CNTN5: variants seen among roughly 807,000 people sequenced by gnomAD.
The protein encoded by CNTN5 is contactin 5.
In CNTN5, 77 loss-of-function variants were observed where a neutral mutation model predicts 129.1. The ratio of observed to expected loss-of-function variants is 0.60; its 90% CI spans 0.50 to 0.72. The LOEUF is 0.72. Among genes scored for constraint, CNTN5 ranks in the 30% least tolerant of loss-of-function variants. The pLI is 0.00. For synonymous variants in CNTN5, 509 were observed against 465.6 expected (o/e 1.09, Z -1.20); for missense variants, 1,478 against 1,328.8 (o/e 1.11, Z -1.75).
At chr11:100,064,744 T>C (rs1943630009) in intron 10 of CNTN5, among the ~76,000 whole-genome samples, 2 of 152,206 alleles carry the variant, frequency 1.3e-5, no homozygotes, top group Admixed American at 1.3e-4. Context: ...ATAGTTCTAA[T>C]GCAAGTTGAA....
Position 100,308,696 on chromosome 11 carries a change from A to G in CNTN5, c.2730+228A>G, listed in dbSNP as rs1203497073. The G allele has an allele frequency of 3.6e-6, 4 of 1,122,626 alleles. No individual in the cohort carries two copies. In the Admixed American group the frequency reaches 1.9e-4, roughly 54 times the overall value. 69.5% of individuals were successfully genotyped at this position (1,122,626 alleles called of 1,614,324 possible). A position where few individuals can be genotyped will look rare whatever the true frequency, so the allele number is the denominator to read the frequency against. On this transcript the variant is annotated intron_variant, in intron 21 of 24. Transcript: ENST00000524871. ...GTAGCACTATGCAAAGATGTTTTTA[A>G]AAGATGAAATAGAGTTTTAGACAAA...
At chr11:99,532,270 T>G (rs534652377) in intron 2 of CNTN5, among the ~76,000 whole-genome samples, 2 of 152,286 alleles carry the variant, frequency 1.3e-5, no homozygotes, top group South Asian at 4.1e-4. Context: ...ACCCTTTGTT[T>G]TGGCCAATTT....
chr11:100,320,660 C>T (rs751329101), intron 21 of CNTN5, among the ~76,000 whole-genome samples: 2 of 152,166 alleles, frequency 1.3e-5, no homozygotes, highest in East Asian at 3.9e-4. Context: ...CTTTTCTCTA[C>T]ATTTTCTTCT....
chr11:100,072,255 C>G (rs2137876328), intron 12 of CNTN5, among the ~76,000 whole-genome samples: 1 of 152,248 alleles, frequency 6.6e-6, no homozygotes, highest in South Asian at 2.1e-4. Flanking sequence ...TGTGTGGCTC[C>G]TGCAAAGCAA....
rs1230876944 is a variant in CNTN5, at chr11:99,414,106, C to G, written c.-71+88622C>G. Among the ~76,000 whole-genome samples, 3 of 152,286 alleles carry G rather than the reference C, an allele frequency of 2.0e-5. No individual in the cohort carries two copies. The East Asian group carries it at 5.8e-4, about 29-fold the overall frequency. Reference sequence around the variant, plus strand: ...ATTAGTTGATATTTGAAGAAAATTCCTGCCTCTTCCTCCTAAACCACTGTG... The same window carrying G: ...ATTAGTTGATATTTGAAGAAAATTCGTGCCTCTTCCTCCTAAACCACTGTG... On this transcript the variant is annotated intron_variant, in intron 2 of 24. Coordinates refer to ENST00000524871, the MANE Select transcript of CNTN5 (RefSeq NM_014361.4).
rs553584384 is a variant in CNTN5, at chr11:99,323,243, A to C, written c.-209-2103A>C. 2.6e-5 allele frequency among the ~76,000 whole-genome samples: 4 copies of C among 152,274 alleles called. No individual in the cohort carries two copies. In the South Asian group the frequency reaches 8.3e-4, roughly 32 times the overall value. ...AAATAAGTGTTTAAGATCTAAGCAT[A>C]AGTATATGGTAGAAACTTAAAGAAG... On this transcript the variant is annotated intron_variant, in intron 1 of 24. Coordinates refer to ENST00000524871, the MANE Select transcript of CNTN5 (RefSeq NM_014361.4).
intron 18 of CNTN5, among the ~76,000 whole-genome samples, chr11:100,292,732 T>G (rs574104649): frequency 2.6e-5 from 4 of 151,980 alleles, no homozygotes; most frequent in African/African-American, 9.7e-5. Flanking sequence ...TACTTGTGCA[T>G]GTATGTATAT....
intron 1 of CNTN5, among the ~76,000 whole-genome samples, chr11:99,176,852 T>C (rs1857797818): frequency 6.6e-6 from 1 of 152,198 alleles, no homozygotes; most frequent in Non-Finnish European, 1.5e-5. Flanking sequence ...ATTCTGTCAC[T>C]CCTCTGCTTA....
At chr11:100,171,119 G>A (rs1324666096) in intron 13 of CNTN5, among the ~76,000 whole-genome samples, 1 of 151,952 alleles carries the variant, frequency 6.6e-6, no homozygotes, top group African/African-American at 2.4e-5. Context: ...AATAACTTGA[G>A]CTAAATTGTG....
chr11:100,305,646 G>A (rs1176274683), intron 20 of CNTN5, among the ~76,000 whole-genome samples: 2 of 151,534 alleles, frequency 1.3e-5, no homozygotes, highest in Non-Finnish European at 1.5e-5. Context: ...AAAGCGAATG[G>A]CCAGTTTCAA....
At chr11:99,926,071 A>C (rs1177555997) in intron 7 of CNTN5, among the ~76,000 whole-genome samples, 1 of 152,140 alleles carries the variant, frequency 6.6e-6, no homozygotes. Flanking sequence ...CAGAATTAAG[A>C]GGTAGTTTAT....
chr11:99,505,459 T>C (rs1946584092), intron 2 of CNTN5, among the ~76,000 whole-genome samples: 1 of 152,194 alleles, frequency 6.6e-6, no homozygotes, highest in South Asian at 2.1e-4. Flanking sequence ...GTGGGAAGAA[T>C]AGAGTTTTTT....
intron 1 of CNTN5, among the ~76,000 whole-genome samples, chr11:99,202,711 A>G (rs1466839930): frequency 2.0e-5 from 3 of 151,668 alleles, no homozygotes; most frequent in South Asian, 4.1e-4. Flanking sequence ...GTCCAAAAAC[A>G]AAAACACTGT....
intron 1 of CNTN5, among the ~76,000 whole-genome samples, chr11:99,250,755 A>G (rs958166092): frequency 6.6e-6 from 1 of 151,846 alleles, no homozygotes. Flanking sequence ...TTTGGTTATT[A>G]TCATATCCCA....
chr11:99,563,144 A>G (rs1358036363), intron 3 of CNTN5, among the ~76,000 whole-genome samples: 1 of 152,204 alleles, frequency 6.6e-6, no homozygotes, highest in East Asian at 1.9e-4. Flanking sequence ...AAAGCAAAAC[A>G]TCTCCAGAAA....
At chr11:99,575,962 G>A (rs1949335099) in intron 3 of CNTN5, among the ~76,000 whole-genome samples, 3 of 152,232 alleles carry the variant, frequency 2.0e-5, no homozygotes, top group East Asian at 1.9e-4. Flanking sequence ...ATCCGTACTT[G>A]GACAACTACC....
chr11:99,171,379 T>A (rs1017451791), intron 1 of CNTN5, among the ~76,000 whole-genome samples: 2 of 152,232 alleles, frequency 1.3e-5, no homozygotes, highest in Admixed American at 6.5e-5. Context: ...AGATTGCTTA[T>A]ATTCTTCTAA....
chr11:99,926,283 C>T (rs1335259440), intron 7 of CNTN5, among the ~76,000 whole-genome samples: 1 of 151,950 alleles, frequency 6.6e-6, no homozygotes, highest in Non-Finnish European at 1.5e-5. Context: ...ATGAATGGCA[C>T]TTGGAAATGG....
At chr11:100,006,526 C>G (rs1940202361) in intron 9 of CNTN5, among the ~76,000 whole-genome samples, 1 of 152,118 alleles carries the variant, frequency 6.6e-6, no homozygotes, top group African/African-American at 2.4e-5. Flanking sequence ...CAAGAAACCC[C>G]TTTCTTTGCT....
Sources: allele counts gnomAD v4.1 joint callset (sites outside exome capture counted in the v4.1 genomes callset), GRCh38; gene constraint gnomAD v4.1.1; transcripts MANE v1.5; gene names NCBI Gene and HGNC (gene_info 2026-07-23, HGNC 2026-07-21).